The following PLCE1 variants were observed in gnomAD, a reference collection of about 807,000 sequenced individuals.
The protein encoded by PLCE1 is phospholipase C epsilon 1.
A neutral mutation model predicts 242.8 loss-of-function variants in PLCE1; 119 were observed. That is an observed-to-expected ratio of 0.49 (90% CI 0.42 to 0.57). The LOEUF is 0.57. PLCE1 is among the 20% of genes least tolerant of loss of function. PLCE1 has a pLI of 0.00. For synonymous variants in PLCE1, 945 were observed against 1,017.4 expected (o/e 0.93, Z 1.35); for missense variants, 2,441 against 2,788.8 (o/e 0.88, Z 2.81).
Position 94,273,550 on chromosome 10 carries a change from C to T in PLCE1, c.4507-12C>T. 1 of 1,610,528 alleles carries T rather than the reference C, an allele frequency of 6.2e-7. No homozygotes were observed. Among genetic ancestry groups the T allele is most frequent in the Non-Finnish European group, 8.5e-7 (1 of 1,176,904 alleles). On this transcript the variant is annotated splice_polypyrimidine_tract_variant and intron_variant, in intron 18 of 32. Coordinates refer to ENST00000371380, the MANE Select transcript of PLCE1 (RefSeq NM_016341.4). The stretch of plus-strand genomic sequence containing the variant: ...AAGGCATTGATTGTATGTTTTCCTT[C>T]ATTCTTTTTAGACTGTGTTTGGAGA...
chr10:94,315,038 G>A (rs1052805526), intron 28 of PLCE1: 1 of 174,374 alleles, frequency 5.7e-6, no homozygotes, highest in Non-Finnish European at 1.2e-5. Flanking sequence ...ACTGTCACCC[G>A]TGCAAATCAG....
chr10:94,182,414 C>A (rs2048342246), intron 4 of PLCE1, among the ~76,000 whole-genome samples: 1 of 151,088 alleles, frequency 6.6e-6, no homozygotes, highest in Non-Finnish European at 1.5e-5. Flanking sequence ...CACAGATGTG[C>A]ACCACCACCC....
chr10:94,031,173 A>G lies in PLCE1; in HGVS notation c.127A>G (p.Thr43Ala), dbSNP rs1396274897. ...AGACATCAATATTTCAAAAGCACATACTGTCAGACGAAGTGGGGAGACTTC... is the reference window on the plus strand; with the variant it reads ...AGACATCAATATTTCAAAAGCACATGCTGTCAGACGAAGTGGGGAGACTTC... Reference protein sequence around the residue: ...VSDINISKAHTVRRSGETSHT... With the variant: ...VSDINISKAHAVRRSGETSHT... The change falls in exon 2 of 33, where the codon ACT becomes GCT. Residue 43 changes from threonine to alanine, a missense_variant. Thr to Ala is a moderately conservative substitution (Grantham distance 58). Coordinates refer to ENST00000371380, the MANE Select transcript of PLCE1 (RefSeq NM_016341.4). 1.2e-6 allele frequency: 2 copies of G among 1,613,874 alleles called. No individual in the cohort carries two copies. Among genetic ancestry groups the G allele is most frequent in the Non-Finnish European group, 1.7e-6 (2 of 1,179,850 alleles).
At chr10:94,265,764 G>A (rs1274980209) in intron 15 of PLCE1, 29 bp from the exon 16 acceptor site, 9 of 1,613,654 alleles carry the variant, frequency 5.6e-6, no homozygotes, top group Non-Finnish European at 6.8e-6. Context: ...TTTTTCCCAT[G>A]CAGTCTTAAG....
chr10:94,035,702 TC>T (rs1317659991), intron 2 of PLCE1, among the ~76,000 whole-genome samples: 1 of 152,180 alleles, frequency 6.6e-6, no homozygotes, highest in Non-Finnish European at 1.5e-5. Flanking sequence ...CCACACCATA[TC>T]AGCAATGAAT....
chr10:94,231,438 C>G (rs548994009), intron 5 of PLCE1, among the ~76,000 whole-genome samples: 1 of 152,268 alleles, frequency 6.6e-6, no homozygotes, highest in Admixed American at 6.5e-5. Flanking sequence ...ATTTGATTGC[C>G]TTTCAAAGCT....
intron 30 of PLCE1, among the ~76,000 whole-genome samples, chr10:94,323,033 G>A (rs2053878296): frequency 6.6e-6 from 1 of 152,176 alleles, no homozygotes. Context: ...AGTATCTACA[G>A]TGAGTTTGGA....
At chr10:94,050,132 T>C (rs2043722477) in intron 2 of PLCE1, among the ~76,000 whole-genome samples, 1 of 152,170 alleles carries the variant, frequency 6.6e-6, no homozygotes, top group Admixed American at 6.6e-5. Flanking sequence ...CTCTATTTAC[T>C]CCACGTATTA....
rs368536128 is a variant in PLCE1 at position 94,306,543 on chromosome 10, A to G, written c.5739A>G (p.Arg1913=). Residue 1913 remains arginine (R), a synonymous_variant, in exon 26 of 33, where the codon CGA becomes CGG. Coordinates refer to ENST00000371380, the MANE Select transcript of PLCE1 (RefSeq NM_016341.4). This position sits in a 1 kb window ranked among gnomAD's most constrained non-coding sequence, Gnocchi z 5.7. ...ATTTCCGCACAAAGCCCATCCATCG[A>G]AACACCCTGAACCCCATGTGGAACG... ...SCHFRTKPIH[R]NTLNPMWNEQ... 2 of 1,614,018 alleles carry G rather than the reference A, an allele frequency of 1.2e-6. No homozygotes were observed. Among genetic ancestry groups the G allele is most frequent in the Non-Finnish European group, 1.7e-6 (2 of 1,180,016 alleles).
chr10:94,160,404 G>A (rs1260698019), intron 3 of PLCE1, among the ~76,000 whole-genome samples: 4 of 152,198 alleles, frequency 2.6e-5, no homozygotes, highest in African/African-American at 7.2e-5. Context: ...TCTGTTGGCT[G>A]CATAAATGTC....
intron 4 of PLCE1, among the ~76,000 whole-genome samples, chr10:94,178,336 G>C (rs2048188122): frequency 6.6e-6 from 1 of 152,132 alleles, no homozygotes; most frequent in South Asian, 2.1e-4. Context: ...ATGAGTCCTA[G>C]ATTGAGACCC....
intron 21 of PLCE1, 115 bp from the exon 22 acceptor site, chr10:94,284,733 T>C: frequency 5.5e-6 from 4 of 728,590 alleles, no homozygotes; most frequent in Non-Finnish European, 1.0e-5. Context: ...ATAATTACCA[T>C]GCAAGGGGAA....
intron 27 of PLCE1, among the ~76,000 whole-genome samples, chr10:94,311,014 T>G (rs1401154705): frequency 6.6e-6 from 1 of 152,152 alleles, no homozygotes; most frequent in Non-Finnish European, 1.5e-5. Flanking sequence ...ACAAGAGTGC[T>G]TTGCTTATTA....
At position 94,328,043 on chromosome 10, in the gene PLCE1, G is replaced by A. The variant is rs750765503; in HGVS notation, c.*100G>A. 4.5e-5 allele frequency: 23 copies of A among 512,006 alleles called. No homozygotes were observed. The highest frequency in any genetic ancestry group is 4.3e-4 in the Admixed American group (21 of 48,408). The allele number at this position is 512,006 out of a possible 1,614,324, so 31.7% of individuals were successfully genotyped here. On this transcript the variant is annotated 3_prime_UTR_variant, in exon 33 of 33. Transcript: ENST00000371380. ...TAATTATTTTCATCAGACTTAAACTGGAAATTGATGATTTCTGAACTGAAG... is the reference window on the plus strand; with the variant it reads ...TAATTATTTTCATCAGACTTAAACTAGAAATTGATGATTTCTGAACTGAAG...
At position 94,031,444 on chromosome 10, in the gene PLCE1, A is replaced by T. The variant is rs1195774926; in HGVS notation, c.398A>T (p.Asp133Val). Residue 133 changes from aspartate (D) to valine (V), a missense_variant, in exon 2 of 33, where the codon GAC (aspartate) becomes GTC (valine). This residue lies in a region of PLCE1 where 393 missense variants were observed against 378.5 expected (regional missense o/e 1.04). Coordinates refer to ENST00000371380, the MANE Select transcript of PLCE1 (RefSeq NM_016341.4). Reference protein sequence around the residue: ...YEMYNSVAEEDLCLETGIPSP... With the variant: ...YEMYNSVAEEVLCLETGIPSP... ...ATGTACAACTCTGTTGCTGAGGAAGACTTGTGTTTAGAAACTGGAATTCCT... is the reference window on the plus strand; with the variant it reads ...ATGTACAACTCTGTTGCTGAGGAAGTCTTGTGTTTAGAAACTGGAATTCCT... 1 of 1,613,762 alleles carries T rather than the reference A, an allele frequency of 6.2e-7. No homozygotes were observed. The highest frequency in any genetic ancestry group is 8.5e-7 in the Non-Finnish European group (1 of 1,179,836).
At chr10:94,048,692 TAA>T (rs1167152997) in intron 2 of PLCE1, among the ~76,000 whole-genome samples, 175 of 146,288 alleles carry the variant, frequency 1.2e-3, no homozygotes, top group African/African-American at 3.6e-3. Flanking sequence ...TATTTATAAA[TAA>T]TATAAATATA....
At chr10:94,288,956 A>C (rs1442386080) in intron 22 of PLCE1, among the ~76,000 whole-genome samples, 1 of 151,964 alleles carries the variant, frequency 6.6e-6, no homozygotes, top group Non-Finnish European at 1.5e-5. Context: ...GGTCCCTGGC[A>C]CTGAGAGTTG....
chr10:94,294,843 T>C (rs2052755003), intron 23 of PLCE1, among the ~76,000 whole-genome samples: 1 of 152,046 alleles, frequency 6.6e-6, no homozygotes, highest in South Asian at 2.1e-4. Context: ...CAACCAACTC[T>C]TCCTTGTACA....
chr10:94,318,581 T>C (rs1338757859), intron 29 of PLCE1, among the ~76,000 whole-genome samples: 1 of 152,102 alleles, frequency 6.6e-6, no homozygotes, highest in East Asian at 1.9e-4. Context: ...CTTTCCACCA[T>C]CCTGTGCTAC....
Sources: allele counts gnomAD v4.1 joint callset (sites outside exome capture counted in the v4.1 genomes callset), GRCh38; gene constraint gnomAD v4.1.1; regional missense constraint gnomAD v4.1.1; non-coding constraint Gnocchi (gnomAD v3.1); transcripts MANE v1.5; gene names NCBI Gene and HGNC (gene_info 2026-07-23, HGNC 2026-07-21).